LRMDA: variants seen among roughly 807,000 people sequenced by gnomAD.
LRMDA encodes the protein leucine rich melanocyte differentiation associated.
LRMDA carries 18 observed loss-of-function variants against 29.8 expected under a neutral mutation model. The observed-to-expected ratio is 0.60, with a 90% CI of 0.42 to 0.90. The LOEUF (loss-of-function observed/expected upper bound fraction) is 0.90, where lower values mean the gene tolerates loss of function less well. Ranked by LOEUF, LRMDA falls within the 40% of genes least tolerant of loss-of-function variation. The pLI is 0.00. For synonymous variants in LRMDA, 125 were observed against 109.4 expected (o/e 1.14, Z -0.89); for missense variants, 273 against 273.9 (o/e 1.00, Z 0.02).
chr10:75,914,585 A>T (rs1307683615), intron 2 of LRMDA, among the ~76,000 whole-genome samples: 2 of 152,334 alleles, frequency 1.3e-5, no homozygotes, highest in East Asian at 3.9e-4. Flanking sequence ...TTCTGCTGTG[A>T]TAGAAGATCT....
chr10:75,715,739 T>C (rs1477364021), intron 2 of LRMDA, among the ~76,000 whole-genome samples: 1 of 152,260 alleles, frequency 6.6e-6, no homozygotes, highest in East Asian at 1.9e-4. Flanking sequence ...TTTATTGTAG[T>C]TTTTTAAATG....
intron 3 of LRMDA, among the ~76,000 whole-genome samples, chr10:76,042,500 G>A (rs1005556010): frequency 6.6e-6 from 1 of 152,278 alleles, no homozygotes; most frequent in Non-Finnish European, 1.5e-5. Flanking sequence ...TGAAACCTCT[G>A]TAATTTGAGG....
intron 1 of LRMDA, among the ~76,000 whole-genome samples, chr10:75,437,866 A>G (rs1404556569): frequency 6.6e-6 from 1 of 152,130 alleles, no homozygotes; most frequent in African/African-American, 2.4e-5. Context: ...TTTTGTACAC[A>G]GTGGCAACTG....
chr10:75,694,534 C>T (rs1842208591), intron 2 of LRMDA, among the ~76,000 whole-genome samples: 1 of 152,076 alleles, frequency 6.6e-6, no homozygotes, highest in African/African-American at 2.4e-5. Flanking sequence ...AGCATGTTGC[C>T]AACTTTCACA....
intron 2 of LRMDA, among the ~76,000 whole-genome samples, chr10:75,905,575 A>AG (rs1845745388): frequency 6.6e-6 from 1 of 152,134 alleles, no homozygotes; most frequent in South Asian, 2.1e-4. Flanking sequence ...ATGTTAAAAA[A>AG]GACTCTTCCT....
At chr10:76,017,577 G>C (rs981648128) in intron 2 of LRMDA, among the ~76,000 whole-genome samples, 1 of 152,166 alleles carries the variant, frequency 6.6e-6, no homozygotes, top group Non-Finnish European at 1.5e-5. Context: ...TTTTCTGTCC[G>C]AGGTCTCCCA....
chr10:76,086,372 A>C (rs745790547), intron 5 of LRMDA, among the ~76,000 whole-genome samples: 6 of 151,960 alleles, frequency 3.9e-5, no homozygotes, highest in Non-Finnish European at 7.4e-5. Flanking sequence ...TGGGCTGGTA[A>C]ATGTCAGAAG....
intron 6 of LRMDA, among the ~76,000 whole-genome samples, chr10:76,404,431 C>A (rs960171832): frequency 1.3e-5 from 2 of 152,162 alleles, no homozygotes; most frequent in Non-Finnish European, 2.9e-5. Context: ...TACTTGATGG[C>A]TGGCTTTTAC....
At chr10:75,760,657 T>C (rs1332111043) in intron 2 of LRMDA, among the ~76,000 whole-genome samples, 1 of 152,148 alleles carries the variant, frequency 6.6e-6, no homozygotes, top group Non-Finnish European at 1.5e-5. Context: ...TAAAGGAATC[T>C]CTTCTGATTG....
chr10:76,131,916 T>A (rs887781773), intron 5 of LRMDA, among the ~76,000 whole-genome samples: 1 of 152,218 alleles, frequency 6.6e-6, no homozygotes, highest in Non-Finnish European at 1.5e-5. Flanking sequence ...ACTAAACATT[T>A]GTTGAAAGGT....
chr10:76,022,302 C>G (rs1847987188), intron 2 of LRMDA, among the ~76,000 whole-genome samples: 1 of 152,168 alleles, frequency 6.6e-6, no homozygotes, highest in Non-Finnish European at 1.5e-5. Context: ...GTCACCTGCT[C>G]TAACCCCACA....
intron 2 of LRMDA, among the ~76,000 whole-genome samples, chr10:75,800,307 C>CT (rs980054254): frequency 6.6e-6 from 1 of 152,132 alleles, no homozygotes; most frequent in Non-Finnish European, 1.5e-5. Context: ...TTTATGTGTA[C>CT]TTTTTTTGCA....
At chr10:75,981,369 C>T (rs1264685785) in intron 2 of LRMDA, among the ~76,000 whole-genome samples, 2 of 152,202 alleles carry the variant, frequency 1.3e-5, no homozygotes, top group African/African-American at 4.8e-5. Flanking sequence ...CTTGGGCAAA[C>T]ACTGCAGAGG....
chr10:76,387,562 C>T lies in LRMDA; in HGVS notation c.601+63077C>T, dbSNP rs372566632. On this transcript the variant is annotated intron_variant, in intron 6 of 6. Coordinates refer to ENST00000611255, the MANE Select transcript of LRMDA (RefSeq NM_001305581.2). The stretch of plus-strand genomic sequence containing the variant: ...AAGCTGCAGCGAGGTATGATCATGC[C>T]GCTGCACTCCAGCCTGGGGGACAGA... Among the ~76,000 whole-genome samples the T allele has an allele frequency of 3.8e-3, 579 of 151,132 alleles. 38 individuals are homozygous for T. The South Asian group carries it at 0.12, about 30-fold the overall frequency.
chr10:76,339,539 C>T (rs887743343), intron 6 of LRMDA, among the ~76,000 whole-genome samples: 2 of 151,502 alleles, frequency 1.3e-5, no homozygotes, highest in Non-Finnish European at 2.9e-5. Context: ...ATTAAAAAAC[C>T]AAGCAAACCT....
At chr10:75,604,767 T>C (rs1194400371) in intron 2 of LRMDA, among the ~76,000 whole-genome samples, 2 of 152,224 alleles carry the variant, frequency 1.3e-5, no homozygotes, top group African/African-American at 4.8e-5. Flanking sequence ...AATGAACTGC[T>C]GTGACTCTCA....
chr10:76,463,131 A>G (rs779238924), intron 6 of LRMDA, among the ~76,000 whole-genome samples: 2 of 152,062 alleles, frequency 1.3e-5, no homozygotes, highest in Non-Finnish European at 2.9e-5. Flanking sequence ...ACTTTCTCCA[A>G]ACTGCCCTTC....
intron 5 of LRMDA, among the ~76,000 whole-genome samples, chr10:76,123,112 T>C (rs1450854725): frequency 1.3e-5 from 2 of 152,156 alleles, no homozygotes; most frequent in African/African-American, 2.4e-5. Flanking sequence ...GGAGGCAGCA[T>C]AGGGCGCTGG....
intron 6 of LRMDA, among the ~76,000 whole-genome samples, chr10:76,390,373 G>A (rs1385066733): frequency 6.6e-6 from 1 of 152,092 alleles, no homozygotes; most frequent in Non-Finnish European, 1.5e-5. Flanking sequence ...ATGGAGGCAG[G>A]GAGATCAGGT....
Sources: allele counts gnomAD v4.1 joint callset (sites outside exome capture counted in the v4.1 genomes callset), GRCh38; gene constraint gnomAD v4.1.1; transcripts MANE v1.5; gene names NCBI Gene and HGNC (gene_info 2026-07-23, HGNC 2026-07-21).